The following PKIG variants were observed in gnomAD, a reference collection of about 807,000 sequenced individuals.
PKIG encodes the protein cAMP-dependent protein kinase inhibitor gamma.
A neutral mutation model predicts 6.8 loss-of-function variants in PKIG; 1 was observed. The observed-to-expected ratio is 0.15, with a 90% CI of 0.05 to 0.69. The LOEUF (loss-of-function observed/expected upper bound fraction) is 0.69. PKIG is among the 30% of genes least tolerant of loss of function. The pLI is 0.82. For synonymous variants in PKIG, 39 were observed against 43.0 expected (o/e 0.91, Z 0.36); for missense variants, 77 against 104.0 (o/e 0.74, Z 1.13).
intron 2 of PKIG, among the ~76,000 whole-genome samples, chr20:44,598,103 G>A (rs1439628641): frequency 1.3e-5 from 2 of 152,218 alleles, no homozygotes; most frequent in Non-Finnish European, 2.9e-5. Context: ...CAGCACCGCT[G>A]AAGGCTGGCC....
chr20:44,544,265 C>T (rs528212917), intron 1 of PKIG, among the ~76,000 whole-genome samples: 1 of 152,162 alleles, frequency 6.6e-6, no homozygotes, highest in African/African-American at 2.4e-5. Flanking sequence ...ATGAAATTAT[C>T]TCTAGACCAT....
intron 2 of PKIG, among the ~76,000 whole-genome samples, chr20:44,607,375 ATATTTTTT>A (rs1226195170): frequency 1.9e-5 from 2 of 106,250 alleles, no homozygotes; most frequent in African/African-American, 4.0e-5. Context: ...ATATATATAT[ATATTTTTT>A]TTTTTTTTTT....
At chr20:44,571,041 C>G (rs1440218695) in intron 1 of PKIG, among the ~76,000 whole-genome samples, 1 of 152,074 alleles carries the variant, frequency 6.6e-6, no homozygotes, top group Non-Finnish European at 1.5e-5. Context: ...CGAGACCAGC[C>G]TGGCCAACAT....
In PKIG at chr20:44,554,067, T is replaced by A. The variant is rs912701416; in HGVS notation, c.-241+22089T>A. Among the ~76,000 whole-genome samples, 4 of 149,906 alleles carry A rather than the reference T, an allele frequency of 2.7e-5. 1 individual carries two copies. The highest frequency in any genetic ancestry group is 7.3e-5 in the African/African-American group (3 of 40,916). On this transcript the variant is annotated intron_variant, in intron 1 of 4. Coordinates refer to the PKIG transcript ENST00000372887. ...AGCATTGTAGACCAGTTTATTAATT[T>A]AAAAAAAAATTTTTTTTTTTTTGAG... is the stretch of plus-strand genomic sequence containing the variant.
intron 3 of PKIG, among the ~76,000 whole-genome samples, chr20:44,616,578 G>T (rs1490900329): frequency 6.6e-6 from 1 of 152,220 alleles, no homozygotes; most frequent in African/African-American, 2.4e-5. Flanking sequence ...CCCTGACTCA[G>T]ATTCCCTAAA....
intron 2 of PKIG, among the ~76,000 whole-genome samples, chr20:44,598,395 G>A (rs2065092389): frequency 6.6e-6 from 1 of 152,212 alleles, no homozygotes; most frequent in African/African-American, 2.4e-5. Flanking sequence ...CCCGAGAGGA[G>A]GAATGTCAGA....
upstream of PKIG, chr20:44,582,504 A>G (rs1445698384): frequency 6.6e-6 from 1 of 152,412 alleles, no homozygotes; most frequent in Non-Finnish European, 1.5e-5. Context: ...CAGGCTGAGC[A>G]TTGGATTACA....
At chr20:44,587,590 C>T (rs746496535) in intron 1 of PKIG, among the ~76,000 whole-genome samples, 3 of 151,994 alleles carry the variant, frequency 2.0e-5, no homozygotes, top group Non-Finnish European at 4.4e-5. Context: ...GTTTTTATAA[C>T]ATTTATTGTG....
intron 1 of PKIG, among the ~76,000 whole-genome samples, chr20:44,577,032 T>C (rs2064904585): frequency 6.6e-6 from 1 of 152,154 alleles, no homozygotes; most frequent in Admixed American, 6.5e-5. Context: ...AGCAATGTCT[T>C]AGTCATCTTT....
intron 1 of PKIG, among the ~76,000 whole-genome samples, chr20:44,587,419 C>G (rs1232637634): frequency 2.6e-5 from 4 of 152,154 alleles, no homozygotes; most frequent in African/African-American, 9.7e-5. Context: ...TGGCACCTTC[C>G]TATCCCCCGT....
At chr20:44,551,735 G>A (rs1036809207) in intron 1 of PKIG, among the ~76,000 whole-genome samples, 3 of 152,078 alleles carry the variant, frequency 2.0e-5, no homozygotes, top group African/African-American at 7.2e-5. Flanking sequence ...GGAGCTATAG[G>A]TTAAATTAAA....
In PKIG at chr20:44,614,402, T is replaced by C; in HGVS notation, c.-23-132T>C. ...TTTTGTTCTTTGTACTTTTCTGTGC[T>C]TTTTGCTTTGTTTTCAATAAGAGGC... On this transcript the variant is annotated intron_variant, in intron 2 of 3. Transcript: ENST00000372886. The surrounding 1 kb of genome is among the most constrained non-coding windows in gnomAD (Gnocchi z 4.6). 1 of 651,998 alleles carries C rather than the reference T, an allele frequency of 1.5e-6. No homozygotes were observed. The highest frequency in any genetic ancestry group is 2.7e-5 in the Admixed American group (1 of 36,898). The allele number at this position is 651,998 out of a possible 1,614,324, so 40.4% of individuals were successfully genotyped here.
At chr20:44,566,050 C>G (rs1245413650) in intron 1 of PKIG, among the ~76,000 whole-genome samples, 1 of 152,222 alleles carries the variant, frequency 6.6e-6, no homozygotes, top group African/African-American at 2.4e-5. Context: ...GCGTGAGCCA[C>G]CACACCCAGC....
chr20:44,566,992 T>C (rs2064815922), intron 1 of PKIG, among the ~76,000 whole-genome samples: 1 of 152,242 alleles, frequency 6.6e-6, no homozygotes, highest in African/African-American at 2.4e-5. Context: ...TTAGGAGTTT[T>C]GTCTGCATTC....
chr20:44,610,285 T>G (rs2065202902), intron 2 of PKIG, among the ~76,000 whole-genome samples: 1 of 152,158 alleles, frequency 6.6e-6, no homozygotes, highest in South Asian at 2.1e-4. Flanking sequence ...TGGCAGAGCT[T>G]GGGTTTAAGG....
upstream of PKIG, among the ~76,000 whole-genome samples, chr20:44,579,030 CAG>C (rs1295245382): frequency 6.6e-6 from 1 of 152,100 alleles, no homozygotes; most frequent in Non-Finnish European, 1.5e-5. Context: ...ATAAAATAAA[CAG>C]AATATTACCT....
intron 2 of PKIG, among the ~76,000 whole-genome samples, chr20:44,601,575 A>AC (rs1295159081): frequency 1.3e-5 from 2 of 152,076 alleles, no homozygotes; most frequent in East Asian, 3.9e-4. Context: ...CTACCCTTGA[A>AC]ATTTGATGAA....
chr20:44,567,290 T>C (rs973820066), intron 1 of PKIG, among the ~76,000 whole-genome samples: 1 of 152,176 alleles, frequency 6.6e-6, no homozygotes, highest in African/African-American at 2.4e-5. Context: ...GGCTACCAGA[T>C]ATCCTGCAAG....
intron 1 of PKIG, among the ~76,000 whole-genome samples, chr20:44,542,181 T>C (rs944511063): frequency 6.6e-6 from 1 of 152,186 alleles, no homozygotes; most frequent in African/African-American, 2.4e-5. Flanking sequence ...AGTTGTATGA[T>C]GAGAAGAACA....
Sources: gnomAD v4.1 joint callset for allele counts (sites outside exome capture counted in the v4.1 genomes callset) on GRCh38, gnomAD v4.1.1 for gene constraint, Gnocchi (gnomAD v3.1) non-coding constraint, MANE v1.5 for transcripts, NCBI Gene and HGNC (gene_info 2026-07-23, HGNC 2026-07-21) for gene names.